PRKD1: variants seen among roughly 807,000 people sequenced by gnomAD.
The protein encoded by PRKD1 is protein kinase D1.
PRKD1 carries 63 observed loss-of-function variants against 95.9 expected under a neutral mutation model. The ratio of observed to expected loss-of-function variants is 0.66; its 90% CI spans 0.54 to 0.81. The LOEUF (loss-of-function observed/expected upper bound fraction) is 0.81, where lower values mean the gene tolerates loss of function less well. Ranked by LOEUF, PRKD1 falls within the 30% of genes least tolerant of loss-of-function variation. PRKD1 has a pLI of 0.00. For missense variants in PRKD1, 1,048 were observed against 1,165.3 expected (o/e 0.90, Z 1.47); for synonymous variants, 425 against 423.1 (o/e 1.00, Z -0.05).
At chr14:29,685,592 T>C (rs549042350) in intron 2 of PRKD1, among the ~76,000 whole-genome samples, 2 of 152,306 alleles carry the variant, frequency 1.3e-5, no homozygotes, top group East Asian at 3.9e-4. Flanking sequence ...AATCTTGAGA[T>C]AGACATTCTA....
At position 29,599,796 on chromosome 14, in the gene PRKD1, C is replaced by T. The variant is rs778728294; in HGVS notation, c.1927G>A (p.Val643Ile). The change falls in exon 14 of 18, where the codon GTA becomes ATA. Residue 643 changes from valine to isoleucine, a missense_variant. Transcript: ENST00000331968. Reference protein sequence around the residue: ...ILQNLHHPGVVNLECMFETPE... With the variant: ...ILQNLHHPGVINLECMFETPE... ...GTCTCAAACATACACTCCAAATTTACAACACCAGGGTGATGAAGGTTCTAT... is the reference window on the plus strand; with the variant it reads ...GTCTCAAACATACACTCCAAATTTATAACACCAGGGTGATGAAGGTTCTAT... The T allele has an allele frequency of 1.2e-6, 2 of 1,612,166 alleles. No homozygotes were observed. The highest frequency in any genetic ancestry group is 2.2e-5 in the East Asian group (1 of 44,812).
At chr14:29,682,282 G>T (rs2139270956) in intron 2 of PRKD1, among the ~76,000 whole-genome samples, 1 of 152,272 alleles carries the variant, frequency 6.6e-6, no homozygotes, top group South Asian at 2.1e-4. Flanking sequence ...CAGTTACAGT[G>T]GGTATACTGA....
intron 1 of PRKD1, among the ~76,000 whole-genome samples, chr14:29,825,759 TC>T (rs1467058921): frequency 6.6e-6 from 1 of 152,098 alleles, no homozygotes; most frequent in Non-Finnish European, 1.5e-5. Flanking sequence ...GATATTTTTT[TC>T]CTATCCAGTT....
chr14:29,673,257 CGA>C lies in PRKD1; in HGVS notation c.404-7051_404-7050del, dbSNP rs1882969510. 2.0e-5 allele frequency among the ~76,000 whole-genome samples: 3 copies of C among 152,214 alleles called. No homozygotes were observed. In the South Asian group the frequency reaches 6.2e-4, roughly 32 times the overall value. On this transcript the variant is annotated intron_variant, in intron 2 of 17. Transcript: ENST00000331968. ...AATGGAGCCTTTATGTAGTAAAGGACGAGAGAGCTAGAAAATGGGATTATTTT... is the reference window on the plus strand; with the variant it reads ...AATGGAGCCTTTATGTAGTAAAGGACGAGAGCTAGAAAATGGGATTATTTT...
At chr14:29,765,741 T>C (rs1888227954) in intron 1 of PRKD1, among the ~76,000 whole-genome samples, 1 of 152,100 alleles carries the variant, frequency 6.6e-6, no homozygotes, top group Non-Finnish European at 1.5e-5. Flanking sequence ...TGTAAATAAA[T>C]CATGATAGTA....
intron 1 of PRKD1, among the ~76,000 whole-genome samples, chr14:29,832,506 T>C (rs1475472691): frequency 6.6e-6 from 1 of 152,134 alleles, no homozygotes; most frequent in Non-Finnish European, 1.5e-5. Context: ...TCCTTTATTA[T>C]ACAGAGACTT....
intron 1 of PRKD1, among the ~76,000 whole-genome samples, chr14:29,772,526 G>A (rs1034625949): frequency 1.3e-5 from 2 of 152,118 alleles, no homozygotes; most frequent in African/African-American, 4.8e-5. Flanking sequence ...AATATCGTAT[G>A]TACTTTATAT....
At chr14:29,824,308 G>A (rs1891029051) in intron 1 of PRKD1, among the ~76,000 whole-genome samples, 1 of 152,140 alleles carries the variant, frequency 6.6e-6, no homozygotes, top group Non-Finnish European at 1.5e-5. Context: ...TCTAAAACAA[G>A]TATTCATCAC....
intron 1 of PRKD1, among the ~76,000 whole-genome samples, chr14:29,888,294 G>C (rs1400450461): frequency 6.6e-6 from 1 of 150,378 alleles, no homozygotes; most frequent in Non-Finnish European, 1.5e-5. Context: ...GAAAGAAAGA[G>C]AGAAAGAGAG....
chr14:29,905,598 A>G (rs183987926), intron 1 of PRKD1, among the ~76,000 whole-genome samples: 1 of 152,334 alleles, frequency 6.6e-6, no homozygotes, highest in Admixed American at 6.5e-5. Context: ...CCTTGTAATA[A>G]GTATCTCAGA....
intron 4 of PRKD1, among the ~76,000 whole-genome samples, chr14:29,640,987 A>G (rs1594387196): frequency 6.6e-6 from 1 of 152,346 alleles, no homozygotes; most frequent in Admixed American, 6.5e-5. Context: ...TTTTCATCCA[A>G]CACAAACACT....
chr14:29,920,142 A>G (rs1377376716), intron 1 of PRKD1, among the ~76,000 whole-genome samples: 1 of 151,962 alleles, frequency 6.6e-6, no homozygotes, highest in Admixed American at 6.6e-5. Flanking sequence ...AGAGAAGAAA[A>G]GAAAAGGAAG....
intron 1 of PRKD1, among the ~76,000 whole-genome samples, chr14:29,922,124 AC>A (rs1895136102): frequency 6.6e-6 from 1 of 151,876 alleles, no homozygotes; most frequent in African/African-American, 2.4e-5. Context: ...ACACGGTGAA[AC>A]CCCATCTCTA....
intron 1 of PRKD1, among the ~76,000 whole-genome samples, chr14:29,825,433 T>C (rs1284964362): frequency 6.6e-6 from 1 of 152,074 alleles, no homozygotes; most frequent in African/African-American, 2.4e-5. Flanking sequence ...CATTTGTGTG[T>C]GTATGCTTGG....
chr14:29,611,306 G>C (rs189596423), intron 13 of PRKD1, among the ~76,000 whole-genome samples: 61 of 152,226 alleles, frequency 4.0e-4, no homozygotes, highest in Middle Eastern at 3.4e-3. Context: ...CATTAAAATT[G>C]CTCTAAAAAT....
In PRKD1 at chr14:29,632,849, A is replaced by G; in HGVS notation, c.1392+20T>C. On this transcript the variant is annotated intron_variant, in intron 9 of 17. Transcript: ENST00000331968. ...AAGCAATAAGAGGTATGAAACTACA[A>G]AGAAAGAGCCCACTCTTACCTTGTA... is the stretch of plus-strand genomic sequence containing the variant. The G allele has an allele frequency of 6.3e-7, 1 of 1,587,046 alleles. No individual in the cohort carries two copies. The highest frequency in any genetic ancestry group is 8.7e-7 in the Non-Finnish European group (1 of 1,155,796).
intron 13 of PRKD1, among the ~76,000 whole-genome samples, chr14:29,618,617 GA>G (rs1879032533): frequency 6.6e-6 from 1 of 152,120 alleles, no homozygotes; most frequent in African/African-American, 2.4e-5. Context: ...TACAGATAAT[GA>G]AAATAGAGCT....
chr14:29,640,246 G>C (rs1880669781), intron 4 of PRKD1, among the ~76,000 whole-genome samples: 1 of 152,072 alleles, frequency 6.6e-6, no homozygotes, highest in East Asian at 1.9e-4. Context: ...TGCCTCCAGA[G>C]CCCTTGTTTT....
intron 4 of PRKD1, among the ~76,000 whole-genome samples, chr14:29,648,718 G>T (rs10150995): frequency 1.3e-5 from 2 of 151,880 alleles, no homozygotes; most frequent in South Asian, 4.2e-4. Flanking sequence ...GCAGTGGTGC[G>T]ATCTCGGCTC....
Sources: allele counts gnomAD v4.1 joint callset (sites outside exome capture counted in the v4.1 genomes callset), GRCh38; gene constraint gnomAD v4.1.1; transcripts MANE v1.5; gene names NCBI Gene and HGNC (gene_info 2026-07-23, HGNC 2026-07-21).